STARD13: variants seen among roughly 807,000 people sequenced by gnomAD.
The protein encoded by STARD13 is StAR related lipid transfer domain containing 13, also known as stAR-related lipid transfer protein 13.
In STARD13, 62 loss-of-function variants were observed where a neutral mutation model predicts 106.4. That is an observed-to-expected ratio of 0.58 (90% CI 0.48 to 0.72). The LOEUF (loss-of-function observed/expected upper bound fraction) is 0.72, where lower values mean the gene tolerates loss of function less well. Among genes scored for constraint, STARD13 ranks in the 30% least tolerant of loss-of-function variants. The pLI is 0.00. For missense variants in STARD13, 1,387 were observed against 1,424.0 expected, an observed-to-expected ratio of 0.97 and a Z score of 0.42; for synonymous variants, 565 against 553.0, an observed-to-expected ratio of 1.02 and a Z score of -0.31.
chr13:33,115,859 T>C (rs4943076), intron 8 of STARD13, among the ~76,000 whole-genome samples: 33,815 of 152,152 alleles, frequency 0.22, 4,093 homozygotes, highest in South Asian at 0.3. Context: ...GTGACAATTA[T>C]ATTGTGACCT....
intron 1 of STARD13, among the ~76,000 whole-genome samples, chr13:33,170,976 T>C (rs1301144562): frequency 2.0e-5 from 3 of 152,208 alleles, no homozygotes; most frequent in African/African-American, 7.2e-5. Flanking sequence ...CAAATACTAA[T>C]GCTTTTCCCC....
chr13:33,545,389 C>T, the STARD13 span, among the ~76,000 whole-genome samples: 3 of 152,348 alleles, frequency 2.0e-5, no homozygotes, highest in Admixed American at 6.5e-5. Flanking sequence ...GCCACTGTGC[C>T]TGGCCCGAAA....
At chr13:33,392,198 T>G in the STARD13 span, among the ~76,000 whole-genome samples, 2 of 152,174 alleles carry the variant, frequency 1.3e-5, no homozygotes, top group African/African-American at 2.4e-5. Context: ...ACCTTGTTTT[T>G]CTTGCAACCT....
chr13:33,358,545 T>C, the STARD13 span, among the ~76,000 whole-genome samples: 1 of 152,118 alleles, frequency 6.6e-6, no homozygotes, highest in Non-Finnish European at 1.5e-5. Context: ...AGTGCACCAA[T>C]CGACACTCTG....
chr13:33,593,164 TTTTA>T, the STARD13 span, among the ~76,000 whole-genome samples: 1 of 152,048 alleles, frequency 6.6e-6, no homozygotes, highest in East Asian at 1.9e-4. Context: ...AGATGTTTAC[TTTTA>T]TTTATTTATT....
rs1182525838 is a variant in STARD13, at chr13:33,265,158, C to A, written c.169+20312G>T. Reference sequence around the variant, plus strand: ...TCTCATTTAATTTGGATTTAACCTGCAGCTAGAGATTCAGAATCTGAACTA... The same window carrying A: ...TCTCATTTAATTTGGATTTAACCTGAAGCTAGAGATTCAGAATCTGAACTA... On this transcript the variant is annotated intron_variant, in intron 1 of 13. Transcript: ENST00000336934. Among the ~76,000 whole-genome samples, 4 of 152,188 alleles carry A rather than the reference C, an allele frequency of 2.6e-5. No individual in the cohort carries two copies. In the East Asian group the frequency reaches 7.7e-4, roughly 29 times the overall value.
chr13:33,458,827 T>C, the STARD13 span, among the ~76,000 whole-genome samples: 1 of 149,050 alleles, frequency 6.7e-6, no homozygotes, highest in Non-Finnish European at 1.5e-5. Context: ...TTTTTTTTTT[T>C]TTTTTTTTTT....
At chr13:33,542,419 C>A in the STARD13 span, among the ~76,000 whole-genome samples, 2 of 152,272 alleles carry the variant, frequency 1.3e-5, no homozygotes, top group Non-Finnish European at 1.5e-5. Flanking sequence ...AAACCCAAAC[C>A]CCGTGGGCGG....
the STARD13 span, among the ~76,000 whole-genome samples, chr13:33,563,899 A>T: frequency 6.8e-6 from 1 of 147,628 alleles, no homozygotes; most frequent in Non-Finnish European, 1.5e-5. Flanking sequence ...AATCTGATTT[A>T]AAAAGGGCAC....
At chr13:33,637,472 G>C in the STARD13 span, among the ~76,000 whole-genome samples, 3 of 152,168 alleles carry the variant, frequency 2.0e-5, no homozygotes, top group African/African-American at 7.2e-5. Flanking sequence ...ACAGCCACAG[G>C]GTATGTTTTA....
chr13:33,265,746 T>C (rs1890865824), intron 1 of STARD13, among the ~76,000 whole-genome samples: 1 of 152,076 alleles, frequency 6.6e-6, no homozygotes, highest in African/African-American at 2.4e-5. Flanking sequence ...ATGATTCCAG[T>C]GAAATTTCTG....
chr13:33,665,298 T>G, the STARD13 span, among the ~76,000 whole-genome samples: 31 of 152,354 alleles, frequency 2.0e-4, no homozygotes, highest in African/African-American at 7.2e-4. Context: ...GTGGCATTTT[T>G]CATATTCTGA....
At chr13:33,523,875 C>A in the STARD13 span, among the ~76,000 whole-genome samples, 1 of 152,158 alleles carries the variant, frequency 6.6e-6, no homozygotes, top group African/African-American at 2.4e-5. Flanking sequence ...ACTAACCCGA[C>A]AGGGAGACTT....
chr13:33,278,962 C>T (rs996464947), intron 1 of STARD13, among the ~76,000 whole-genome samples: 1 of 152,038 alleles, frequency 6.6e-6, no homozygotes, highest in African/African-American at 2.4e-5. Context: ...AGTATCTTTC[C>T]CCATACCAAA....
chr13:33,129,227 G>C lies in STARD13; in HGVS notation c.1450C>G (p.Pro484Ala). 3.7e-6 allele frequency: 6 copies of C among 1,614,156 alleles called. No individual in the cohort carries two copies. The highest frequency in any genetic ancestry group is 5.1e-6 in the Non-Finnish European group (6 of 1,180,026). The change falls in exon 5 of 14, where the codon CCT (proline) becomes GCT (alanine). Residue 484 changes from proline (P) to alanine (A), a missense_variant. Transcript: ENST00000336934. ...TGCTGCAGAATGTCATCCAAGTGAG[G>C]GAAAAGGTCATCTTTCTCCAAGTCC... ...LLDLEKDDLF[P>A]HLDDILQHVN... is the part of the protein sequence containing the mutation.
chr13:33,338,745 G>A (rs576707264), intron 1 of STARD13, among the ~76,000 whole-genome samples: 13 of 152,030 alleles, frequency 8.6e-5, no homozygotes, highest in African/African-American at 2.7e-4. Context: ...TTAGCCAGGC[G>A]TGGTGGCATG....
the STARD13 span, among the ~76,000 whole-genome samples, chr13:33,516,676 C>T: frequency 1.3e-5 from 2 of 151,982 alleles, no homozygotes; most frequent in Non-Finnish European, 2.9e-5. Flanking sequence ...CTGTCCATGG[C>T]CCACAAATGC....
the STARD13 span, among the ~76,000 whole-genome samples, chr13:33,675,644 G>C: frequency 1.3e-5 from 2 of 152,128 alleles, no homozygotes; most frequent in Admixed American, 1.3e-4. Context: ...GTACAGTGAG[G>C]GTTTGGAGAT....
At chr13:33,594,271 A>G in the STARD13 span, among the ~76,000 whole-genome samples, 1 of 152,124 alleles carries the variant, frequency 6.6e-6, no homozygotes, top group Non-Finnish European at 1.5e-5. Flanking sequence ...AACTTGCTGA[A>G]ATATTATAGG....
Sources: gnomAD v4.1 joint callset for allele counts (sites outside exome capture counted in the v4.1 genomes callset) on GRCh38, gnomAD v4.1.1 for gene constraint, MANE v1.5 for transcripts, NCBI Gene and HGNC (gene_info 2026-07-23, HGNC 2026-07-21) for gene names.